Variants in MARCHF1 observed in about 807,000 individuals in gnomAD.
MARCHF1 encodes E3 ubiquitin-protein ligase MARCHF1.
In MARCHF1, 40 loss-of-function variants were observed where a neutral mutation model predicts 54.2. The ratio of observed to expected loss-of-function variants is 0.74; its 90% CI spans 0.57 to 0.96. The LOEUF (loss-of-function observed/expected upper bound fraction) is 0.96. Ranked by LOEUF, MARCHF1 falls within the 40% of genes least tolerant of loss-of-function variation. The pLI, the probability that MARCHF1 is intolerant of heterozygous loss-of-function variation, is 0.00. For missense variants in MARCHF1, 586 were observed against 656.5 expected, an observed-to-expected ratio of 0.89 and a Z score of 1.17; for synonymous variants, 236 against 236.3, an observed-to-expected ratio of 1.00 and a Z score of 0.01.
At chr4:164,337,954 A>G (rs1259278331) in intron 1 of MARCHF1, among the ~76,000 whole-genome samples, 4 of 152,222 alleles carry the variant, frequency 2.6e-5, no homozygotes, top group Non-Finnish European at 5.9e-5. Flanking sequence ...GAAAATGCCT[A>G]AGTATCTCAG....
chr4:163,527,009 T>A lies in MARCHF1; in HGVS notation c.*1739A>T, dbSNP rs1041296390. 4 of 151,950 alleles carry A rather than the reference T, an allele frequency of 2.6e-5. No homozygotes were observed. The highest frequency in any genetic ancestry group is 6.6e-5 in the Admixed American group (1 of 15,226). The allele number at this position is 151,950 out of a possible 1,614,324, so 9.4% of individuals were successfully genotyped here. ...CTGTGAAGAACAAGCACACTGATAA[T>A]TACAAAGTGCATCCATGTGATACCC... On this transcript the variant is annotated 3_prime_UTR_variant, in exon 10 of 10. Coordinates refer to ENST00000514618, the MANE Select transcript of MARCHF1 (RefSeq NM_001394959.1).
At chr4:163,867,551 T>C (rs1227644238) in intron 3 of MARCHF1, among the ~76,000 whole-genome samples, 11 of 151,724 alleles carry the variant, frequency 7.3e-5, no homozygotes, top group African/African-American at 2.7e-4. Flanking sequence ...GAATATGCCA[T>C]TGTATACTCG....
intron 1 of MARCHF1, among the ~76,000 whole-genome samples, chr4:164,227,752 A>G (rs1345526465): frequency 6.6e-6 from 1 of 152,102 alleles, no homozygotes; most frequent in Non-Finnish European, 1.5e-5. Flanking sequence ...ACACTCAACT[A>G]TTTTAGGACT....
At chr4:163,894,514 T>C (rs1233236989) in intron 3 of MARCHF1, among the ~76,000 whole-genome samples, 1 of 149,390 alleles carries the variant, frequency 6.7e-6, no homozygotes, top group Admixed American at 6.6e-5. Context: ...CAGAAGTCAC[T>C]GTAAAATAAT....
Position 164,105,644 on chromosome 4 carries a change from C to T in MARCHF1, c.-248+5944G>A, listed in dbSNP as rs1229859804. Among the ~76,000 whole-genome samples the T allele has an allele frequency of 4.3e-5, 4 of 93,824 alleles. 1 individual carries two copies. In the East Asian group the frequency reaches 8.8e-4, roughly 21 times the overall value. The allele number at this position is 93,824 out of a possible 152,430, so 61.6% of individuals were successfully genotyped here. On this transcript the variant is annotated intron_variant, in intron 2 of 9. Transcript: ENST00000514618. ...ATGGATTAAAGACTTAAACGTTAGA[C>T]CTAAAACCATAAAAACCGTAGAAGA...
chr4:164,262,554 C>T (rs1226995375), intron 1 of MARCHF1, among the ~76,000 whole-genome samples: 1 of 152,066 alleles, frequency 6.6e-6, no homozygotes, highest in Non-Finnish European at 1.5e-5. Flanking sequence ...ACATCTAGTC[C>T]TCAATTATAT....
chr4:163,743,577 CTTTT>C (rs34675962), intron 4 of MARCHF1, among the ~76,000 whole-genome samples: 1 of 122,658 alleles, frequency 8.2e-6, no homozygotes, highest in Admixed American at 8.2e-5. Flanking sequence ...GATACACCAT[CTTTT>C]TTTTTTTTTT....
intron 4 of MARCHF1, among the ~76,000 whole-genome samples, chr4:163,707,786 TAAA>T (rs777522371): frequency 6.1e-5 from 4 of 65,914 alleles, no homozygotes; most frequent in Non-Finnish European, 1.1e-4. Context: ...TGTTTTGAAC[TAAA>T]AAAAAAAAAA....
chr4:164,226,454 G>A (rs1732255716), intron 1 of MARCHF1, among the ~76,000 whole-genome samples: 1 of 151,930 alleles, frequency 6.6e-6, no homozygotes, highest in Non-Finnish European at 1.5e-5. Flanking sequence ...CAAGTAGTGA[G>A]ATGAAAGACT....
intron 3 of MARCHF1, among the ~76,000 whole-genome samples, chr4:163,921,858 C>A (rs571203137): frequency 6.6e-6 from 1 of 152,010 alleles, no homozygotes; most frequent in Non-Finnish European, 1.5e-5. Flanking sequence ...TACCTCTATA[C>A]AGTATTAAAA....
chr4:163,535,873 T>G (rs1486274949), intron 9 of MARCHF1, among the ~76,000 whole-genome samples: 3 of 151,968 alleles, frequency 2.0e-5, no homozygotes, highest in Admixed American at 6.6e-5. Flanking sequence ...TTTTGTTCTC[T>G]GGGGGACATT....
Position 163,663,178 on chromosome 4 carries a change from T to C in MARCHF1, c.162+37635A>G, listed in dbSNP as rs9992017. On this transcript the variant is annotated intron_variant, in intron 5 of 9. Coordinates refer to ENST00000514618, the MANE Select transcript of MARCHF1 (RefSeq NM_001394959.1). ...CTCTGTGTGGATAGTTGGATATTTT[T>C]TCCTAGTGGATGCTTACACAGAGAC... Among the ~76,000 whole-genome samples, 1,063 of 152,166 alleles carry C rather than the reference T, an allele frequency of 7.0e-3. 17 individuals are homozygous for C. Among genetic ancestry groups the C allele is most frequent in the African/African-American group, 0.024 (1,009 of 41,526 alleles).
chr4:163,697,478 A>G (rs917933535), intron 5 of MARCHF1, among the ~76,000 whole-genome samples: 2 of 152,218 alleles, frequency 1.3e-5, no homozygotes, highest in African/African-American at 2.4e-5. Context: ...ATGGGGAAGG[A>G]AAGTTTTAAA....
At chr4:164,163,127 C>A (rs1314804223) in intron 1 of MARCHF1, among the ~76,000 whole-genome samples, 1 of 151,780 alleles carries the variant, frequency 6.6e-6, no homozygotes, top group Non-Finnish European at 1.5e-5. Context: ...GTAAAGAATG[C>A]ACTTCAGGCA....
chr4:164,328,914 A>G (rs1735354495), intron 1 of MARCHF1, among the ~76,000 whole-genome samples: 1 of 152,200 alleles, frequency 6.6e-6, no homozygotes, highest in Non-Finnish European at 1.5e-5. Context: ...ATTACAAAAG[A>G]TTCCTAGTTT....
At chr4:163,826,972 T>G (rs920904722) in intron 4 of MARCHF1, among the ~76,000 whole-genome samples, 5 of 152,008 alleles carry the variant, frequency 3.3e-5, no homozygotes, top group Non-Finnish European at 7.4e-5. Context: ...CTGGGTTAAG[T>G]TTATGGTTTC....
At chr4:164,234,762 A>G (rs1732500980) in intron 1 of MARCHF1, 1 of 152,160 alleles carries the variant, frequency 6.6e-6, no homozygotes, top group African/African-American at 2.4e-5. Context: ...AAAGGCAGAT[A>G]TAAAACTTTT....
At chr4:163,710,236 CT>C (rs1252487057) in intron 4 of MARCHF1, among the ~76,000 whole-genome samples, 3 of 152,106 alleles carry the variant, frequency 2.0e-5, no homozygotes, top group Admixed American at 1.3e-4. Flanking sequence ...CATTCAAAGA[CT>C]ATCCTATAAA....
chr4:163,796,350 C>A (rs2110956540), intron 4 of MARCHF1, among the ~76,000 whole-genome samples: 1 of 151,838 alleles, frequency 6.6e-6, no homozygotes, highest in South Asian at 2.1e-4. Context: ...CCTCAGCCTC[C>A]CGAGTAGCTG....
Sources: allele counts gnomAD v4.1 joint callset (sites outside exome capture counted in the v4.1 genomes callset), GRCh38; gene constraint gnomAD v4.1.1; transcripts MANE v1.5; gene names NCBI Gene and HGNC (gene_info 2026-07-23, HGNC 2026-07-21).